PACS1: variants seen among roughly 807,000 people sequenced by gnomAD.
PACS1 encodes PACS-1.
PACS1 carries 24 observed loss-of-function variants against 115.0 expected under a neutral mutation model. That is an observed-to-expected ratio of 0.21 (90% CI 0.15 to 0.29). PACS1 has a LOEUF of 0.29. Ranked by LOEUF, PACS1 falls within the 10% of genes least tolerant of loss-of-function variation. PACS1 has a pLI of 1.00. For missense variants in PACS1, 838 were observed against 1,251.2 expected (o/e 0.67, Z 4.98); for synonymous variants, 453 against 504.5 (o/e 0.90, Z 1.37).
chr11:66,234,091 T>C lies in PACS1; in HGVS notation c.1994-41T>C, dbSNP rs767329075. 2.4e-4 allele frequency: 371 copies of C among 1,539,368 alleles called. 1 individual carries two copies. Among genetic ancestry groups the C allele is most frequent in the Non-Finnish European group, 4.9e-5 (54 of 1,112,018 alleles). On this transcript the variant is annotated intron_variant, in intron 16 of 23. Coordinates refer to ENST00000320580, the MANE Select transcript of PACS1 (RefSeq NM_018026.4). ...GGACAGCTGCTCCCACACTGTCTCATCTCCTGACGAATTCACCACCTCTGG... is the reference window on the plus strand; with the variant it reads ...GGACAGCTGCTCCCACACTGTCTCACCTCCTGACGAATTCACCACCTCTGG...
At chr11:66,093,316 A>G (rs1348345918) in intron 1 of PACS1, among the ~76,000 whole-genome samples, 1 of 151,476 alleles carries the variant, frequency 6.6e-6, no homozygotes, top group East Asian at 1.9e-4. Flanking sequence ...ACGTGCAGAG[A>G]CACACATAGG....
chr11:66,244,546 C>G lies in PACS1; in HGVS notation c.*1266C>G, dbSNP rs1554995373. 1 of 152,394 alleles carries G rather than the reference C, an allele frequency of 6.6e-6. No individual in the cohort carries two copies. Among genetic ancestry groups the G allele is most frequent in the Non-Finnish European group, 1.5e-5 (1 of 68,172 alleles). The allele number at this position is 152,394 out of a possible 1,614,324, so 9.4% of individuals were successfully genotyped here. A position where few individuals can be genotyped will look rare whatever the true frequency, so the allele number is the denominator to read the frequency against. On this transcript the variant is annotated 3_prime_UTR_variant, in exon 24 of 24. Transcript: ENST00000320580. Reference sequence around the variant, plus strand: ...TTTTCTCTTGTCCTCTCACTCCTTCCCAGAAGTTTTTGCACAGAACTTCAT... The same window carrying G: ...TTTTCTCTTGTCCTCTCACTCCTTCGCAGAAGTTTTTGCACAGAACTTCAT...
chr11:66,219,347 AG>A (rs1432435218), intron 7 of PACS1, among the ~76,000 whole-genome samples: 3 of 151,770 alleles, frequency 2.0e-5, no homozygotes, highest in Admixed American at 2.0e-4. Flanking sequence ...GGGTGCAAGG[AG>A]AAGACGGGAC....
chr11:66,096,670 ATTTTT>A (rs959228896), intron 1 of PACS1, among the ~76,000 whole-genome samples: 1 of 149,824 alleles, frequency 6.7e-6, no homozygotes, highest in African/African-American at 2.5e-5. Context: ...TGCCTGGCTA[ATTTTT>A]TTTATTTTGT....
At chr11:66,138,837 C>G (rs572270972) in intron 1 of PACS1, among the ~76,000 whole-genome samples, 1 of 152,164 alleles carries the variant, frequency 6.6e-6, no homozygotes, top group African/African-American at 2.4e-5. Context: ...CATGCGCCAC[C>G]ACGCCCAGCT....
intron 1 of PACS1, among the ~76,000 whole-genome samples, chr11:66,120,614 A>G (rs566678336): frequency 2.6e-5 from 4 of 152,234 alleles, no homozygotes; most frequent in Admixed American, 2.6e-4. Context: ...CTTTGGAGCC[A>G]TATAATATAG....
chr11:66,221,126 C>T, intron 9 of PACS1, 28 bp from the exon 10 acceptor site: 1 of 1,602,800 alleles, frequency 6.2e-7, no homozygotes. Context: ...CCTGGCAGCA[C>T]TGACCCTGGC....
chr11:66,077,944 C>G (rs1176651245), intron 1 of PACS1, among the ~76,000 whole-genome samples: 1 of 152,100 alleles, frequency 6.6e-6, no homozygotes, highest in Non-Finnish European at 1.5e-5. Flanking sequence ...TCAGGTGATT[C>G]ACCTACCTCA....
intron 2 of PACS1, among the ~76,000 whole-genome samples, chr11:66,205,608 C>T (rs950871147): frequency 6.7e-6 from 1 of 149,914 alleles, no homozygotes; most frequent in South Asian, 2.1e-4. Flanking sequence ...TATTTTCAGA[C>T]ATCCAAGAAA....
intron 2 of PACS1, among the ~76,000 whole-genome samples, chr11:66,194,047 T>C (rs982969088): frequency 2.6e-5 from 4 of 152,180 alleles, no homozygotes; most frequent in Non-Finnish European, 2.9e-5. Flanking sequence ...CACTGCAAGC[T>C]CCGCCTCCCG....
chr11:66,234,781 G>A (rs1855673404), intron 17 of PACS1, among the ~76,000 whole-genome samples: 1 of 152,186 alleles, frequency 6.6e-6, no homozygotes, highest in Non-Finnish European at 1.5e-5. Flanking sequence ...GGAGGCTGAG[G>A]TGGGAGAATT....
intron 1 of PACS1, among the ~76,000 whole-genome samples, chr11:66,090,005 CA>C (rs33912143): frequency 1.7e-4 from 14 of 80,582 alleles, no homozygotes; most frequent in Middle Eastern, 6.9e-3. Flanking sequence ...GACTCCATCT[CA>C]AAAAAAAAAA....
At chr11:66,231,855 G>T in intron 13 of PACS1, 1 of 286,964 alleles carries the variant, frequency 3.5e-6, no homozygotes, top group Non-Finnish European at 6.7e-6. Context: ...TTACGCTGCT[G>T]CCCCTCCTGC....
At chr11:66,177,675 A>G (rs910892050) in intron 1 of PACS1, among the ~76,000 whole-genome samples, 2 of 152,006 alleles carry the variant, frequency 1.3e-5, no homozygotes, top group Non-Finnish European at 2.9e-5. Context: ...TAATGGTGCG[A>G]TCATAGCTCA....
intron 1 of PACS1, among the ~76,000 whole-genome samples, chr11:66,081,249 GAA>G (rs1857472205): frequency 6.6e-6 from 1 of 150,788 alleles, no homozygotes; most frequent in Admixed American, 6.6e-5. Context: ...AAAGAAAAAA[GAA>G]AGAAAGAAAA....
chr11:66,230,355 T>C (rs1590836726), intron 11 of PACS1, 193 bp from the exon 12 acceptor site: 2 of 589,724 alleles, frequency 3.4e-6, no homozygotes, highest in South Asian at 2.0e-5. Context: ...CCACACGGGG[T>C]GTACTCAGTC....
intron 1 of PACS1, among the ~76,000 whole-genome samples, chr11:66,184,341 G>T (rs1381323435): frequency 1.5e-5 from 2 of 137,140 alleles, no homozygotes; most frequent in African/African-American, 2.7e-5. Flanking sequence ...AAAAAAAAGA[G>T]ATGAGAGGGG....
chr11:66,157,997 G>C (rs915885002), intron 1 of PACS1, among the ~76,000 whole-genome samples: 1 of 152,206 alleles, frequency 6.6e-6, no homozygotes, highest in Non-Finnish European at 1.5e-5. Context: ...GTCTGGCTCT[G>C]TTGCCCAGGC....
chr11:66,230,791 C>T lies in PACS1; in HGVS notation c.1491-14C>T, dbSNP rs756437310. ...AGGGGCTATTTCACCAGCCTTTTTCCACCTCCCTGGCAGCAAAGTGGAGGG... is the reference window on the plus strand; with the variant it reads ...AGGGGCTATTTCACCAGCCTTTTTCTACCTCCCTGGCAGCAAAGTGGAGGG... On this transcript the variant is annotated splice_polypyrimidine_tract_variant and intron_variant, in intron 12 of 23. Transcript: ENST00000320580. The T allele has an allele frequency of 6.2e-7, 1 of 1,613,982 alleles. No homozygotes were observed. The highest frequency in any genetic ancestry group is 8.5e-7 in the Non-Finnish European group (1 of 1,179,892).
Sources: allele counts gnomAD v4.1 joint callset (sites outside exome capture counted in the v4.1 genomes callset), GRCh38; gene constraint gnomAD v4.1.1; transcripts MANE v1.5; gene names NCBI Gene and HGNC (gene_info 2026-07-23, HGNC 2026-07-21).